The following C2orf92 variants were observed in gnomAD, a reference collection of about 807,000 sequenced individuals.
C2orf92 encodes uncharacterized protein C2orf92.
chr2:97,696,414 C>G (rs990485362), intron 5 of C2orf92, among the ~76,000 whole-genome samples: 1 of 151,972 alleles, frequency 6.6e-6, no homozygotes, highest in Non-Finnish European at 1.5e-5. Flanking sequence ...TCTGCACCTC[C>G]TCCTTGGCAG....
intron 5 of C2orf92, among the ~76,000 whole-genome samples, chr2:97,692,095 C>A (rs1307978458): frequency 3.3e-5 from 5 of 152,168 alleles, no homozygotes; most frequent in Non-Finnish European, 7.3e-5. Flanking sequence ...ATTTATACTA[C>A]AATATTCACT....
intron 3 of C2orf92, among the ~76,000 whole-genome samples, chr2:97,679,389 GTGTT>G (rs1474530786): frequency 6.6e-6 from 1 of 152,220 alleles, no homozygotes; most frequent in Admixed American, 6.5e-5. Flanking sequence ...TGTGTGCAGA[GTGTT>G]TGTATACTAT....
At chr2:97,681,994 CAG>C (rs1487013183) in intron 3 of C2orf92, among the ~76,000 whole-genome samples, 2 of 151,874 alleles carry the variant, frequency 1.3e-5, no homozygotes, top group Non-Finnish European at 2.9e-5. Flanking sequence ...AGTGAAATAA[CAG>C]AAAAACAATA....
chr2:97,683,414 A>G (rs1675847558), intron 3 of C2orf92, among the ~76,000 whole-genome samples: 1 of 152,124 alleles, frequency 6.6e-6, no homozygotes, highest in African/African-American at 2.4e-5. Flanking sequence ...TAAGATGTCA[A>G]AATTGACCTG....
At chr2:97,685,126 T>G (rs1240619641) in intron 3 of C2orf92, among the ~76,000 whole-genome samples, 1 of 151,604 alleles carries the variant, frequency 6.6e-6, no homozygotes, top group Non-Finnish European at 1.5e-5. Context: ...AGACAGGGTT[T>G]CACTGTGTTA....
At position 97,671,549 on chromosome 2, in the gene C2orf92, C is replaced by T. The variant is rs952434187; in HGVS notation, c.46+1715C>T. 7 of 398,612 alleles carry T rather than the reference C, an allele frequency of 1.8e-5. No homozygotes were observed. The South Asian group carries it at 3.8e-4, about 22-fold the overall frequency. 24.7% of individuals were successfully genotyped at this position (398,612 alleles called of 1,614,324 possible). ...ACCTCAGGCTGGATTTGAAGAGTTGCGTGCATGGTCCTCATTGTCTCCCAG... is the reference window on the plus strand; with the variant it reads ...ACCTCAGGCTGGATTTGAAGAGTTGTGTGCATGGTCCTCATTGTCTCCCAG... On this transcript the variant is annotated intron_variant, in intron 1 of 7. Transcript: ENST00000627399.
chr2:97,679,482 CTAGTT>C (rs1675689798), intron 3 of C2orf92, among the ~76,000 whole-genome samples: 1 of 152,182 alleles, frequency 6.6e-6, no homozygotes, highest in South Asian at 2.1e-4. Flanking sequence ...CAAATTTTAA[CTAGTT>C]TAGGTGTTTC....
intron 5 of C2orf92, among the ~76,000 whole-genome samples, chr2:97,694,932 T>C (rs1229183079): frequency 6.6e-6 from 1 of 152,246 alleles, no homozygotes; most frequent in Non-Finnish European, 1.5e-5. Flanking sequence ...CAAGTACTAT[T>C]GGCCATTTGT....
At chr2:97,684,932 T>A (rs1172993220) in intron 3 of C2orf92, among the ~76,000 whole-genome samples, 1 of 107,422 alleles carries the variant, frequency 9.3e-6, no homozygotes. Flanking sequence ...TATTTTTTAT[T>A]TTTATTTTTA....
chr2:97,666,680 A>C (rs1202045725), upstream of C2orf92, among the ~76,000 whole-genome samples: 1 of 151,562 alleles, frequency 6.6e-6, no homozygotes, highest in African/African-American at 2.4e-5. Flanking sequence ...CTGTCTCTAC[A>C]AAAAATACAA....
intron 3 of C2orf92, 123 bp from the exon 4 acceptor site, chr2:97,688,771 TC>T (rs1159025982): frequency 7.6e-6 from 3 of 395,884 alleles, no homozygotes; most frequent in Non-Finnish European, 1.3e-5. Context: ...GGGAATAACG[TC>T]CCATATCTGT....
intron 5 of C2orf92, among the ~76,000 whole-genome samples, chr2:97,693,023 T>C (rs911900653): frequency 5.3e-5 from 8 of 152,226 alleles, no homozygotes; most frequent in African/African-American, 1.9e-4. Context: ...GGTATTTTTT[T>C]CTGTTTCTGT....
upstream of C2orf92, chr2:97,665,658 T>G (rs953479719): frequency 6.8e-6 from 1 of 146,592 alleles, no homozygotes; most frequent in Non-Finnish European, 1.5e-5. Context: ...AAAGTTATCC[T>G]TGGCATTTTA....
upstream of C2orf92, chr2:97,663,994 C>T: frequency 1.5e-6 from 1 of 653,626 alleles, no homozygotes; most frequent in Non-Finnish European, 2.1e-6. Context: ...CGCGGCGCCG[C>T]TGCCCTCCCT....
At chr2:97,664,575 A>G (rs1188698276) in intron 1 of C2orf92, 2 of 150,254 alleles carry the variant, frequency 1.3e-5, no homozygotes, top group Non-Finnish European at 3.0e-5. Flanking sequence ...ATATTTATTT[A>G]TTTTTACTGA....
intron 1 of C2orf92, among the ~76,000 whole-genome samples, chr2:97,672,704 G>T (rs1377160547): frequency 1.3e-5 from 2 of 151,996 alleles, no homozygotes; most frequent in Non-Finnish European, 2.9e-5. Context: ...CAACTCTGCA[G>T]TTCCCTCTGG....
At position 97,671,687 on chromosome 2, in the gene C2orf92, A is replaced by G. The variant is rs75797252; in HGVS notation, c.46+1853A>G. 5.2e-3 allele frequency: 2,000 copies of G among 382,894 alleles called. 33 individuals carry two copies. The highest frequency in any genetic ancestry group is 0.036 in the African/African-American group (1,751 of 48,384). The allele number at this position is 382,894 out of a possible 1,614,324, so 23.7% of individuals were successfully genotyped here. On this transcript the variant is annotated intron_variant, in intron 1 of 7. Transcript: ENST00000627399. ...AGCAAAACAGATGATAAACACCTCAAAAGGACCCTACTGAGCATCAGTGGA... is the reference window on the plus strand; with the variant it reads ...AGCAAAACAGATGATAAACACCTCAGAAGGACCCTACTGAGCATCAGTGGA...
chr2:97,692,407 C>CTTTTTTTT (rs755849117), intron 5 of C2orf92, among the ~76,000 whole-genome samples: 1 of 119,382 alleles, frequency 8.4e-6, no homozygotes, highest in African/African-American at 3.3e-5. Context: ...AGTTTTACTT[C>CTTTTTTTT]TTTTTTTTTT....
intron 5 of C2orf92, among the ~76,000 whole-genome samples, chr2:97,695,128 C>T (rs763421419): frequency 2.6e-5 from 4 of 152,188 alleles, no homozygotes; most frequent in Non-Finnish European, 5.9e-5. Context: ...TCTGTTGACA[C>T]TGTCTTTTGA....
Sources: gnomAD v4.1 joint callset for allele counts (sites outside exome capture counted in the v4.1 genomes callset) on GRCh38, gnomAD v4.1.1 for gene constraint, MANE v1.5 for transcripts, NCBI Gene and HGNC (gene_info 2026-07-23, HGNC 2026-07-21) for gene names.